The following CACNA2D3 variants were observed in gnomAD, a reference collection of about 807,000 sequenced individuals.
CACNA2D3 encodes voltage-dependent calcium channel subunit alpha-2/delta-3.
CACNA2D3 carries 60 observed loss-of-function variants against 160.6 expected under a neutral mutation model. The observed-to-expected ratio is 0.37, with a 90% CI of 0.30 to 0.46. The LOEUF is 0.46. CACNA2D3 is among the 20% of genes least tolerant of loss of function. The pLI is 1.00. For synonymous variants in CACNA2D3, 558 were observed against 492.9 expected (o/e 1.13, Z -1.75); for missense variants, 1,205 against 1,365.0 (o/e 0.88, Z 1.85).
intron 9 of CACNA2D3, among the ~76,000 whole-genome samples, chr3:54,604,068 T>C (rs1355089540): frequency 2.0e-5 from 3 of 152,192 alleles, no homozygotes; most frequent in African/African-American, 7.2e-5. Context: ...AACAATGCTA[T>C]GATGAGCATC....
In CACNA2D3 at chr3:54,879,073, A is replaced by C; in HGVS notation, c.1766A>C (p.Lys589Thr). The C allele has an allele frequency of 1.2e-6, 2 of 1,603,728 alleles. No homozygotes were observed. Among genetic ancestry groups the C allele is most frequent in the Non-Finnish European group, 1.7e-6 (2 of 1,174,962 alleles). ...GGGAAGTTTTCCATGGAGGTGAAGAAGACAGTGGACAAAGGGGTACATTTT... is the reference window on the plus strand; with the variant it reads ...GGGAAGTTTTCCATGGAGGTGAAGACGACAGTGGACAAAGGGGTACATTTT... ...KTGKFSMEVK[K>T]TVDKGKRVLV... is the part of the protein sequence containing the mutation. The change falls in exon 19 of 38, where the codon AAG (lysine) becomes ACG (threonine). Residue 589 changes from lysine (K) to threonine (T), a missense_variant. By Grantham distance (78) the Lys-to-Thr change is moderately conservative. This residue lies in a region of CACNA2D3 where 911 missense variants were observed against 1,002.2 expected (regional missense o/e 0.91). Coordinates refer to ENST00000474759, the MANE Select transcript of CACNA2D3 (RefSeq NM_018398.3).
chr3:54,601,767 T>C (rs143904438), intron 9 of CACNA2D3, among the ~76,000 whole-genome samples: 5 of 152,168 alleles, frequency 3.3e-5, no homozygotes, highest in African/African-American at 4.8e-5. Context: ...CATGTGCTTC[T>C]GGAGTCTGAT....
chr3:54,404,355 G>T (rs1575436960), intron 4 of CACNA2D3, among the ~76,000 whole-genome samples: 1 of 152,222 alleles, frequency 6.6e-6, no homozygotes, highest in South Asian at 2.1e-4. Flanking sequence ...ATTAATCAAT[G>T]TGATACTTTC....
intron 10 of CACNA2D3, among the ~76,000 whole-genome samples, chr3:54,631,037 A>G (rs779648461): frequency 1.3e-5 from 2 of 152,116 alleles, no homozygotes; most frequent in Admixed American, 1.3e-4. Flanking sequence ...TCCCGTCTCT[A>G]CTAAAAATAC....
chr3:54,333,890 C>T (rs1704321139), intron 3 of CACNA2D3, among the ~76,000 whole-genome samples: 2 of 152,184 alleles, frequency 1.3e-5, no homozygotes, highest in South Asian at 2.1e-4. Flanking sequence ...TTGGGTCTCA[C>T]CTCTCTGAGG....
rs139409901 is a variant in CACNA2D3, at chr3:54,921,781, G to A, written c.2449+21913G>A. Among the ~76,000 whole-genome samples, 941 of 152,262 alleles carry A rather than the reference G, an allele frequency of 6.2e-3. 13 individuals are homozygous for A. Among genetic ancestry groups the A allele is most frequent in the African/African-American group, 0.022 (894 of 41,556 alleles). On this transcript the variant is annotated intron_variant, in intron 27 of 37. Transcript: ENST00000474759. ...AATGACTGCATGGAATGCAGACCATGCCCCCATTTCCTTTGAACTCTGCCA... is the reference window on the plus strand; with the variant it reads ...AATGACTGCATGGAATGCAGACCATACCCCCATTTCCTTTGAACTCTGCCA...
chr3:54,413,425 T>C (rs1486530442), intron 4 of CACNA2D3, among the ~76,000 whole-genome samples: 5 of 144,300 alleles, frequency 3.5e-5, no homozygotes, highest in Non-Finnish European at 6.1e-5. Context: ...TATAGATATC[T>C]ATATATATAT....
At chr3:54,647,646 C>G (rs1182135199) in intron 11 of CACNA2D3, among the ~76,000 whole-genome samples, 1 of 152,096 alleles carries the variant, frequency 6.6e-6, no homozygotes, top group African/African-American at 2.4e-5. Flanking sequence ...GGGAACAGAC[C>G]AGGGGGGGCA....
At chr3:54,958,423 G>T (rs1456545835) in intron 27 of CACNA2D3, among the ~76,000 whole-genome samples, 1 of 152,134 alleles carries the variant, frequency 6.6e-6, no homozygotes, top group Non-Finnish European at 1.5e-5. Context: ...TTAGGTCAAA[G>T]TCAGTTTATT....
intron 2 of CACNA2D3, among the ~76,000 whole-genome samples, chr3:54,205,693 A>T (rs1374426722): frequency 6.6e-6 from 1 of 152,198 alleles, no homozygotes; most frequent in Non-Finnish European, 1.5e-5. Context: ...GGCAGACACC[A>T]AGGTAAAGAG....
intron 35 of CACNA2D3, among the ~76,000 whole-genome samples, chr3:55,049,379 G>A (rs1235099623): frequency 7.2e-6 from 1 of 139,000 alleles, no homozygotes; most frequent in Admixed American, 7.1e-5. Context: ...TCATTCAGGA[G>A]CAGGTTGTTC....
chr3:54,332,453 A>G lies in CACNA2D3; in HGVS notation c.321+11895A>G, dbSNP rs1462683111. On this transcript the variant is annotated intron_variant, in intron 3 of 37. Transcript: ENST00000474759. ...AATTTTTAAGCAGCTTTACTGAGAT[A>G]TAATTCACATATGTATAGGACACGT... Among the ~76,000 whole-genome samples the G allele has an allele frequency of 2.6e-5, 4 of 152,344 alleles. No homozygotes were observed. In the East Asian group the frequency reaches 5.8e-4, roughly 22 times the overall value.
At chr3:54,350,982 G>GTTTTTTTT (rs1491034355) in intron 3 of CACNA2D3, among the ~76,000 whole-genome samples, 5 of 61,798 alleles carry the variant, frequency 8.1e-5, no homozygotes, top group Non-Finnish European at 1.5e-4. Context: ...TTTTTTTTTT[G>GTTTTTTTT]TTTGTTTTTT....
At chr3:54,743,116 G>A (rs2107047454) in intron 11 of CACNA2D3, among the ~76,000 whole-genome samples, 1 of 152,356 alleles carries the variant, frequency 6.6e-6, no homozygotes, top group South Asian at 2.1e-4. Flanking sequence ...TCCCAAATTT[G>A]TGAAAAGGAT....
intron 29 of CACNA2D3, among the ~76,000 whole-genome samples, chr3:54,979,866 T>G (rs187782417): frequency 6.6e-6 from 1 of 152,206 alleles, no homozygotes; most frequent in Admixed American, 6.5e-5. Context: ...TGTCTGTGGA[T>G]GATAAAAAGT....
chr3:54,653,661 A>G (rs1699818234), intron 11 of CACNA2D3, among the ~76,000 whole-genome samples: 1 of 152,222 alleles, frequency 6.6e-6, no homozygotes, highest in Non-Finnish European at 1.5e-5. Flanking sequence ...CAAGAAGAAC[A>G]TGACAAGACA....
chr3:54,947,197 C>T (rs1486311807), intron 27 of CACNA2D3, among the ~76,000 whole-genome samples: 1 of 152,136 alleles, frequency 6.6e-6, no homozygotes, highest in East Asian at 1.9e-4. Context: ...AAGTAACTTG[C>T]CTAAATCCCT....
chr3:54,971,650 C>A (rs1397465716), intron 29 of CACNA2D3, among the ~76,000 whole-genome samples: 1 of 152,212 alleles, frequency 6.6e-6, no homozygotes, highest in East Asian at 1.9e-4. Context: ...AGAACCCACA[C>A]TGCCTCAGTG....
chr3:54,885,656 T>A, intron 23 of CACNA2D3, 70 bp downstream of exon 23: 1 of 1,154,458 alleles, frequency 8.7e-7, no homozygotes, highest in Non-Finnish European at 1.3e-6. Flanking sequence ...AAACATTTTT[T>A]GGCCTCACTT....
Sources: gnomAD v4.1 joint callset for allele counts (sites outside exome capture counted in the v4.1 genomes callset) on GRCh38, gnomAD v4.1.1 for gene constraint, gnomAD v4.1.1 regional missense constraint, MANE v1.5 for transcripts, NCBI Gene and HGNC (gene_info 2026-07-23, HGNC 2026-07-21) for gene names.